The following KYNU variants were observed in gnomAD, a reference collection of about 807,000 sequenced individuals.
KYNU encodes the protein kynureninase.
In KYNU, 54 loss-of-function variants were observed where a neutral mutation model predicts 59.2. The ratio of observed to expected loss-of-function variants is 0.91; its 90% CI spans 0.73 to 1.14. The LOEUF (loss-of-function observed/expected upper bound fraction) is 1.14. Among genes scored for constraint, KYNU ranks in the 50% most tolerant of loss-of-function variants. KYNU has a pLI of 0.00. For synonymous variants in KYNU, 177 were observed against 192.0 expected, an observed-to-expected ratio of 0.92 and a Z score of 0.65; for missense variants, 567 against 554.4, an observed-to-expected ratio of 1.02 and a Z score of -0.23.
At chr2:142,974,558 G>A (rs1684831215) in intron 8 of KYNU, among the ~76,000 whole-genome samples, 1 of 152,110 alleles carries the variant, frequency 6.6e-6, no homozygotes, top group African/African-American at 2.4e-5. Context: ...CCATCTATTT[G>A]CATAACTAGA....
chr2:142,919,728 G>C (rs576300993), intron 3 of KYNU, among the ~76,000 whole-genome samples: 146 of 152,292 alleles, frequency 9.6e-4, no homozygotes, highest in African/African-American at 3.4e-3. Context: ...GAGGCCAAGA[G>C]TTTGAGACCA....
intron 8 of KYNU, among the ~76,000 whole-genome samples, chr2:142,975,273 G>A (rs958890690): frequency 6.6e-6 from 1 of 152,138 alleles, no homozygotes; most frequent in Non-Finnish European, 1.5e-5. Context: ...GAGGCAGCTG[G>A]ACAGTCAGAG....
chr2:142,920,366 G>A (rs1485774525), intron 3 of KYNU, among the ~76,000 whole-genome samples: 2 of 152,230 alleles, frequency 1.3e-5, no homozygotes, highest in Non-Finnish European at 2.9e-5. Flanking sequence ...AGAGAGGGCA[G>A]ATAATTAGAT....
At chr2:143,015,985 A>G (rs1418248099) in intron 10 of KYNU, among the ~76,000 whole-genome samples, 1 of 152,226 alleles carries the variant, frequency 6.6e-6, no homozygotes, top group East Asian at 1.9e-4. Flanking sequence ...CACCTGAAAC[A>G]TATTCTTATC....
At position 143,049,722 on chromosome 2, in the gene KYNU, A is replaced by G. The variant is rs1480780021; in HGVS notation, c.*7550A>G. The G allele has an allele frequency of 6.6e-6, 1 of 152,170 alleles. No individual in the cohort carries two copies. The highest frequency in any genetic ancestry group is 1.5e-5 in the Non-Finnish European group (1 of 68,032). 9.4% of individuals were successfully genotyped at this position (152,170 alleles called of 1,614,324 possible). On this transcript the variant is annotated 3_prime_UTR_variant, in exon 14 of 14. Transcript: ENST00000264170. ...CCTGATCTAAGTCAGCATTTTCTTT[A>G]TTCTTAATCACAACTAGTTGATAGT... is the stretch of plus-strand genomic sequence containing the variant.
intron 10 of KYNU, among the ~76,000 whole-genome samples, chr2:143,025,253 A>G (rs1686518139): frequency 6.6e-6 from 1 of 152,002 alleles, no homozygotes; most frequent in Admixed American, 6.6e-5. Flanking sequence ...TTCCTCGTGC[A>G]TATTTTTCAT....
At chr2:142,910,864 A>G (rs1029332447) in intron 2 of KYNU, among the ~76,000 whole-genome samples, 5 of 152,180 alleles carry the variant, frequency 3.3e-5, no homozygotes, top group African/African-American at 1.2e-4. Context: ...CAACTTTGTT[A>G]AAGATTAGAC....
At chr2:143,009,778 T>C (rs1245585851) in intron 10 of KYNU, among the ~76,000 whole-genome samples, 7 of 111,592 alleles carry the variant, frequency 6.3e-5, no homozygotes, top group Non-Finnish European at 1.2e-4. Flanking sequence ...ATAAATGTAA[T>C]CCAGCATATA....
chr2:143,027,915 AT>A (rs1420782427), intron 10 of KYNU, among the ~76,000 whole-genome samples: 3 of 152,080 alleles, frequency 2.0e-5, no homozygotes, highest in African/African-American at 7.2e-5. Context: ...TATGTACTGC[AT>A]TTTATAATAT....
At chr2:143,040,288 C>A (rs535784218) in intron 12 of KYNU, 140 bp from the exon 13 acceptor site, 1 of 654,670 alleles carries the variant, frequency 1.5e-6, no homozygotes. Context: ...CATGATTTTA[C>A]ACAAAAAGAT....
At chr2:142,960,590 C>T (rs1017856362) in intron 7 of KYNU, 34 bp from the exon 8 acceptor site, 5 of 1,585,222 alleles carry the variant, frequency 3.2e-6, no homozygotes, top group African/African-American at 1.3e-5. Context: ...TTATTATTAT[C>T]GATATGACCT....
chr2:142,900,806 G>A (rs1021293687), intron 2 of KYNU, among the ~76,000 whole-genome samples: 14 of 152,120 alleles, frequency 9.2e-5, no homozygotes, highest in African/African-American at 3.4e-4. Context: ...CTCTGGAGAG[G>A]TGCCTTTGAT....
intron 3 of KYNU, among the ~76,000 whole-genome samples, chr2:142,924,193 C>T (rs1010416103): frequency 1.3e-5 from 2 of 152,004 alleles, no homozygotes; most frequent in African/African-American, 2.4e-5. Flanking sequence ...CAGCCTTAAA[C>T]ACTTGGGCCC....
At chr2:142,980,265 A>T (rs150023673) in intron 8 of KYNU, among the ~76,000 whole-genome samples, 3 of 151,342 alleles carry the variant, frequency 2.0e-5, no homozygotes, top group Admixed American at 2.0e-4. Flanking sequence ...TTAGCTTATA[A>T]TGAGCAGTGA....
Position 143,042,265 on chromosome 2 carries a change from C to T in KYNU, c.*93C>T. 8.3e-7 allele frequency: 1 copy of T among 1,199,142 alleles called. No homozygotes were observed. The highest frequency in any genetic ancestry group is 1.2e-6 in the Non-Finnish European group (1 of 823,798). 74.3% of individuals were successfully genotyped at this position (1,199,142 alleles called of 1,614,324 possible). The stretch of plus-strand genomic sequence containing the variant: ...ATTTTTAATTATTGAAAGTATGTCA[C>T]CATTGACCACATGTAACTAACAATA... On this transcript the variant is annotated 3_prime_UTR_variant, in exon 14 of 14. Coordinates refer to ENST00000264170, the MANE Select transcript of KYNU (RefSeq NM_003937.3).
intron 10 of KYNU, among the ~76,000 whole-genome samples, chr2:142,992,691 A>G (rs1685435846): frequency 6.6e-6 from 1 of 151,952 alleles, no homozygotes; most frequent in Non-Finnish European, 1.5e-5. Flanking sequence ...CTTGCATTTT[A>G]TCTCACATAG....
intron 8 of KYNU, chr2:142,964,687 A>G (rs1684473111): frequency 6.6e-6 from 1 of 152,192 alleles, no homozygotes. Flanking sequence ...GAGAGAGAAA[A>G]TACAAGATTT....
chr2:143,045,663 A>G lies in KYNU; in HGVS notation c.*3491A>G, dbSNP rs1439005050. On this transcript the variant is annotated 3_prime_UTR_variant, in exon 14 of 14. Coordinates refer to ENST00000264170, the MANE Select transcript of KYNU (RefSeq NM_003937.3). Reference sequence around the variant, plus strand: ...TATATACATATGTTGGTATATAGGAATGCTTTTATTTTAAAGATGGAAGAT... The same window carrying G: ...TATATACATATGTTGGTATATAGGAGTGCTTTTATTTTAAAGATGGAAGAT... 6.6e-6 allele frequency: 1 copy of G among 152,062 alleles called. No individual in the cohort carries two copies. Among genetic ancestry groups the G allele is most frequent in the Non-Finnish European group, 1.5e-5 (1 of 68,002 alleles). 9.4% of individuals were successfully genotyped at this position (152,062 alleles called of 1,614,324 possible).
chr2:142,931,263 A>C (rs1276523292), intron 4 of KYNU, among the ~76,000 whole-genome samples: 1 of 152,178 alleles, frequency 6.6e-6, no homozygotes, highest in East Asian at 1.9e-4. Flanking sequence ...TTGGTTGTAG[A>C]TAAAAGGGAT....
Sources: gnomAD v4.1 joint callset for allele counts (sites outside exome capture counted in the v4.1 genomes callset) on GRCh38, gnomAD v4.1.1 for gene constraint, MANE v1.5 for transcripts, NCBI Gene and HGNC (gene_info 2026-07-23, HGNC 2026-07-21) for gene names.